Variants in HCN2 observed in about 807,000 individuals in gnomAD.
HCN2 encodes the protein potassium/sodium hyperpolarization-activated cyclic nucleotide-gated channel 2.
HCN2 carries 20 observed loss-of-function variants against 52.3 expected under a neutral mutation model. The observed-to-expected ratio is 0.38, with a 90% CI of 0.27 to 0.56. The LOEUF is 0.56. HCN2 is among the 20% of genes least tolerant of loss of function. The pLI is 0.71. For missense variants in HCN2, 981 were observed against 1,207.7 expected (o/e 0.81, Z 2.78); for synonymous variants, 694 against 537.0 (o/e 1.29, Z -4.04).
At chr19:603,294 C>CG (rs1983277416) in intron 1 of HCN2, among the ~76,000 whole-genome samples, 1 of 97,300 alleles carries the variant, frequency 1.0e-5, no homozygotes, top group Non-Finnish European at 2.0e-5. Flanking sequence ...GAGGTGTGGG[C>CG]ACCCTCGCCC....
At position 608,005 on chromosome 19, in the gene HCN2, G is replaced by A; in HGVS notation, c.1260G>A (p.Lys420=). ...WSELYSFALF[K]AMSHMLCIGY... is the part of the protein sequence containing the mutation. ...AACTGTACTCCTTCGCACTCTTCAA[G>A]GCCATGAGCCACATGCTGTGCATCG... The change falls in exon 4 of 8, where the codon AAG becomes AAA. Residue 420 remains lysine, a synonymous_variant. Transcript: ENST00000251287. 6.2e-7 allele frequency: 1 copy of A among 1,612,940 alleles called. No homozygotes were observed. Among genetic ancestry groups the A allele is most frequent in the Non-Finnish European group, 8.5e-7 (1 of 1,180,010 alleles).
chr19:610,235 C>G (rs752981002), intron 4 of HCN2, 24 bp from the exon 5 acceptor site: 1 of 1,607,088 alleles, frequency 6.2e-7, no homozygotes, highest in South Asian at 1.1e-5. Context: ...CGGTGTCTGA[C>G]CCAGCCTCGC....
intron 4 of HCN2, among the ~76,000 whole-genome samples, chr19:608,404 G>A (rs879719144): frequency 1.6e-5 from 2 of 128,136 alleles, no homozygotes; most frequent in African/African-American, 2.5e-5. Flanking sequence ...GGGGTCTGAG[G>A]GGAGAGGCAG....
At chr19:600,320 C>A (rs530964507) in intron 1 of HCN2, among the ~76,000 whole-genome samples, 40 of 152,118 alleles carry the variant, frequency 2.6e-4, no homozygotes, top group African/African-American at 9.6e-4. Context: ...CTACAGGCGC[C>A]CGCCACCACG....
chr19:609,901 GA>G (rs113311277), intron 4 of HCN2, among the ~76,000 whole-genome samples: 9 of 149,466 alleles, frequency 6.0e-5, no homozygotes, highest in East Asian at 5.8e-4. Context: ...CAGTGTCTCA[GA>G]AAAAAAAAAT....
chr19:597,340 G>T (rs1046027113), intron 1 of HCN2, among the ~76,000 whole-genome samples: 3 of 152,238 alleles, frequency 2.0e-5, no homozygotes, highest in Non-Finnish European at 2.9e-5. Flanking sequence ...CAGAGGGGAG[G>T]TGTGGTACCT....
chr19:614,897 G>A (rs1414373524), intron 7 of HCN2, among the ~76,000 whole-genome samples: 3 of 152,126 alleles, frequency 2.0e-5, no homozygotes, highest in Non-Finnish European at 4.4e-5. Flanking sequence ...GCTGCTGTTC[G>A]TGGGAATGGG....
Position 613,858 on chromosome 19 carries a change from G to A in HCN2, c.1832G>A (p.Cys611Tyr). 2 of 1,583,586 alleles carry A rather than the reference G, an allele frequency of 1.3e-6. No individual in the cohort carries two copies. Among genetic ancestry groups the A allele is most frequent in the Non-Finnish European group, 1.7e-6 (2 of 1,166,456 alleles). The change falls in exon 7 of 8, where the codon TGC (cysteine) becomes TAC (tyrosine). Residue 611 changes from cysteine to tyrosine, a missense_variant. This residue lies in a region of HCN2 where 85 missense variants were observed against 106.1 expected (regional missense o/e 0.80). Transcript: ENST00000251287. ...CCCTGCGCGCCACGTGCAGAGATCT[G>A]CCTGCTCACCCGGGGCCGCCGCACG... ...LSDGSYFGEICLLTRGRRTAS... is the reference protein window; with the variant it reads ...LSDGSYFGEIYLLTRGRRTAS...
chr19:595,563 T>A (rs1983003055), intron 1 of HCN2, among the ~76,000 whole-genome samples: 1 of 151,956 alleles, frequency 6.6e-6, no homozygotes, highest in African/African-American at 2.4e-5. Flanking sequence ...CACCATCTCA[T>A]CCACCCACAC....
At chr19:603,125 T>C (rs1199856821) in intron 1 of HCN2, among the ~76,000 whole-genome samples, 1 of 136,382 alleles carries the variant, frequency 7.3e-6, no homozygotes, top group Admixed American at 7.5e-5. Flanking sequence ...GGCACCAGCT[T>C]GAGGTGTGGG....
intron 2 of HCN2, among the ~76,000 whole-genome samples, chr19:604,395 G>T (rs971519164): frequency 2.0e-5 from 3 of 150,994 alleles, no homozygotes; most frequent in Admixed American, 1.3e-4. Flanking sequence ...CAAGACAGCA[G>T]GGGTGGGGCT....
Position 616,352 on chromosome 19 carries a change from CCCACGCCCGCTGCCCGGGCCG to C in HCN2, c.2551_2571del (p.Thr851_Ala857del), listed in dbSNP as rs1294418727. ...CAGCAGCTCCACACCGCGCTTGGGGCCCACGCCCGCTGCCCGGGCCGCCGCGCCCAGCCCGGACCGCAGGGA... is the reference window on the plus strand; with the variant it reads ...CAGCAGCTCCACACCGCGCTTGGGGCCCGCGCCCAGCCCGGACCGCAGGGA... On this transcript the variant is annotated inframe_deletion, in exon 8 of 8. Transcript: ENST00000251287. 1.6e-5 allele frequency: 19 copies of C among 1,212,540 alleles called. No homozygotes were observed. The highest frequency in any genetic ancestry group is 3.3e-5 in the African/African-American group (2 of 61,392). The allele number at this position is 1,212,540 out of a possible 1,614,324, so 75.1% of individuals were successfully genotyped here. A position where few individuals can be genotyped will look rare whatever the true frequency, so the allele number is the denominator to read the frequency against.
In HCN2 at chr19:617,144, A is replaced by G; in HGVS notation, c.*670A>G. 1 of 854,930 alleles carries G rather than the reference A, an allele frequency of 1.2e-6. No individual in the cohort carries two copies. The highest frequency in any genetic ancestry group is 1.8e-6 in the Non-Finnish European group (1 of 549,220). 53.0% of individuals were successfully genotyped at this position (854,930 alleles called of 1,614,324 possible). On this transcript the variant is annotated 3_prime_UTR_variant, in exon 8 of 8. Transcript: ENST00000251287. The stretch of plus-strand genomic sequence containing the variant: ...ACACCCCCATTCCGCGCAATAAACG[A>G]CAGCATTGGCGCCAAGCCTGGCCGC...
intron 7 of HCN2, 108 bp from the exon 8 acceptor site, chr19:615,687 C>T (rs1188456570): frequency 2.9e-6 from 3 of 1,029,116 alleles, no homozygotes; most frequent in Admixed American, 1.9e-5. Flanking sequence ...CATGCTTGCT[C>T]TACACGGCAA....
At position 616,295 on chromosome 19, in the gene HCN2, G is replaced by A. The variant is rs1568370550; in HGVS notation, c.2491G>A (p.Ala831Thr). 3 of 1,085,046 alleles carry A rather than the reference G, an allele frequency of 2.8e-6. No homozygotes were observed. Among genetic ancestry groups the A allele is most frequent in the Non-Finnish European group, 2.2e-6 (2 of 893,670 alleles). 67.2% of individuals were successfully genotyped at this position (1,085,046 alleles called of 1,614,324 possible). A position where few individuals can be genotyped will look rare whatever the true frequency, so the allele number is the denominator to read the frequency against. Residue 831 changes from alanine to threonine, a missense_variant, in exon 8 of 8, where the codon GCC becomes ACC. Transcript: ENST00000251287. ...CTCGCAGCCCTCGCTGCCTCACGGCGCCCCCGGCCCCGCGGCCTCCACACG... is the reference window on the plus strand; with the variant it reads ...CTCGCAGCCCTCGCTGCCTCACGGCACCCCCGGCCCCGCGGCCTCCACACG... ...SASQPSLPHG[A>T]PGPAASTRPA...
At chr19:615,065 C>T (rs1425585139) in intron 7 of HCN2, among the ~76,000 whole-genome samples, 2 of 152,128 alleles carry the variant, frequency 1.3e-5, no homozygotes, top group African/African-American at 2.4e-5. Context: ...CTGTATACAG[C>T]AGGTGCTCAG....
At chr19:602,011 C>T (rs1030552943) in intron 1 of HCN2, among the ~76,000 whole-genome samples, 3 of 151,818 alleles carry the variant, frequency 2.0e-5, no homozygotes, top group Non-Finnish European at 2.9e-5. Context: ...CCGGCTCGGC[C>T]GTTCCTCCCA....
At chr19:601,486 T>G (rs1040823558) in intron 1 of HCN2, among the ~76,000 whole-genome samples, 7 of 152,130 alleles carry the variant, frequency 4.6e-5, no homozygotes, top group Non-Finnish European at 7.3e-5. Context: ...TGCCTCTGCC[T>G]TTTTGCTACT....
At chr19:611,031 C>A (rs896008774) in intron 5 of HCN2, among the ~76,000 whole-genome samples, 9 of 152,140 alleles carry the variant, frequency 5.9e-5, no homozygotes, top group Non-Finnish European at 1.2e-4. Context: ...TCACAGCCTT[C>A]TCCCCTGTGT....
Sources: allele counts gnomAD v4.1 joint callset (sites outside exome capture counted in the v4.1 genomes callset), GRCh38; gene constraint gnomAD v4.1.1; regional missense constraint gnomAD v4.1.1; transcripts MANE v1.5; gene names NCBI Gene and HGNC (gene_info 2026-07-23, HGNC 2026-07-21).